The following TMCC1 variants were observed in gnomAD, a reference collection of about 807,000 sequenced individuals.
TMCC1 encodes transmembrane and coiled-coil domains protein 1.
A neutral mutation model predicts 52.4 loss-of-function variants in TMCC1; 15 were observed. The observed-to-expected ratio is 0.29, with a 90% confidence interval of 0.19 to 0.44. The LOEUF is 0.44. Among genes scored for constraint, TMCC1 ranks in the 20% least tolerant of loss-of-function variants. The pLI, the probability that TMCC1 is intolerant of heterozygous loss-of-function variation, is 1.00. For synonymous variants in TMCC1, 279 were observed against 301.9 expected (o/e 0.92, Z 0.79); for missense variants, 503 against 806.0 (o/e 0.62, Z 4.55).
At chr3:129,808,936 A>C (rs1042149100) in intron 4 of TMCC1, among the ~76,000 whole-genome samples, 5 of 151,174 alleles carry the variant, frequency 3.3e-5, no homozygotes, top group Non-Finnish European at 7.4e-5. Context: ...AAAAAAAAAA[A>C]AACAAAGAAA....
At chr3:129,847,387 G>A (rs1462098632) in intron 2 of TMCC1, 1 of 152,146 alleles carries the variant, frequency 6.6e-6, no homozygotes, top group Non-Finnish European at 1.5e-5. Context: ...TCCTAATAGT[G>A]CTTAAAAATC....
chr3:129,691,636 T>G (rs902705567), intron 4 of TMCC1, among the ~76,000 whole-genome samples: 4 of 152,020 alleles, frequency 2.6e-5, no homozygotes, highest in Non-Finnish European at 5.9e-5. Context: ...TAAATAAAAT[T>G]AGCCGGGCAT....
At chr3:129,832,604 G>A (rs1376584328) in intron 3 of TMCC1, among the ~76,000 whole-genome samples, 170 bp downstream of exon 3, 1 of 152,174 alleles carries the variant, frequency 6.6e-6, no homozygotes, top group Non-Finnish European at 1.5e-5. Context: ...CCATTTAGGA[G>A]GGTATTCCAC....
At chr3:129,883,631 A>T (rs1257268663) in intron 1 of TMCC1, among the ~76,000 whole-genome samples, 1 of 152,214 alleles carries the variant, frequency 6.6e-6, no homozygotes, top group Admixed American at 6.5e-5. Flanking sequence ...CACAAACAAA[A>T]AATGGTTAAA....
rs184860711 is a variant in TMCC1 at position 129,786,263 on chromosome 3, C to T, written c.576+41540G>A. On this transcript the variant is annotated intron_variant, in intron 4 of 6. Coordinates refer to ENST00000393238, the MANE Select transcript of TMCC1 (RefSeq NM_001017395.5). ...CCATGTCAGAACTCCTTAAAAGGAA[C>T]AGATACTAAACATGGCATGCCTTTC... Among the ~76,000 whole-genome samples, 920 of 152,130 alleles carry T rather than the reference C, an allele frequency of 6.0e-3. 10 individuals are homozygous for T. Among genetic ancestry groups the T allele is most frequent in the Non-Finnish European group, 8.8e-3 (596 of 68,018 alleles).
At chr3:129,774,552 T>C (rs1310803050) in intron 4 of TMCC1, among the ~76,000 whole-genome samples, 3 of 152,142 alleles carry the variant, frequency 2.0e-5, no homozygotes, top group African/African-American at 4.8e-5. Flanking sequence ...TGAGACAGTA[T>C]CATGGTTGGA....
At chr3:129,824,964 GCT>G (rs1318124581) in intron 4 of TMCC1, among the ~76,000 whole-genome samples, 3 of 152,020 alleles carry the variant, frequency 2.0e-5, no homozygotes, top group Non-Finnish European at 4.4e-5. Context: ...TATCAATTCA[GCT>G]CAATATTTAT....
At chr3:129,727,452 T>G (rs1267410830) in intron 4 of TMCC1, among the ~76,000 whole-genome samples, 1 of 152,180 alleles carries the variant, frequency 6.6e-6, no homozygotes, top group Non-Finnish European at 1.5e-5. Context: ...GGGCTTCATT[T>G]TTATAAATAT....
intron 2 of TMCC1, among the ~76,000 whole-genome samples, chr3:129,839,023 C>A (rs535594888): frequency 6.6e-6 from 1 of 152,004 alleles, no homozygotes; most frequent in African/African-American, 2.4e-5. Flanking sequence ...TTCCTCCAGA[C>A]AAGCAAAAAT....
At position 129,670,493 on chromosome 3, in the gene TMCC1, T is replaced by C. The variant is rs1243145550; in HGVS notation, c.1348A>G (p.Asn450Asp). 3.7e-6 allele frequency: 6 copies of C among 1,613,938 alleles called. No individual in the cohort carries two copies. The African/African-American group carries it at 8.0e-5, about 22-fold the overall frequency. Residue 450 changes from asparagine to aspartate, a missense_variant, in exon 5 of 7, where the codon AAC (asparagine) becomes GAC (aspartate). Physicochemically the swap from Asn to Asp is conservative, Grantham distance 23. Around this residue, in one of 7 missense-constraint regions of TMCC1, gnomAD observed 121 missense variants for 193.6 expected, o/e 0.62. Transcript: ENST00000393238. ...CCTGAGCTCTGCATGTCCAGGGTGT[T>C]TGTTTTGGAGCTGGATGCTCCTACA... is the stretch of plus-strand genomic sequence containing the variant. ...IAVGASSSKT[N>D]TLDMQSSGFD...
intron 2 of TMCC1, among the ~76,000 whole-genome samples, chr3:129,864,308 G>C (rs1029713973): frequency 6.6e-6 from 1 of 152,048 alleles, no homozygotes; most frequent in Non-Finnish European, 1.5e-5. Flanking sequence ...CTTAGCAAGT[G>C]GCAGAGTCAA....
At chr3:129,840,643 C>G (rs955157066) in intron 2 of TMCC1, among the ~76,000 whole-genome samples, 4 of 152,078 alleles carry the variant, frequency 2.6e-5, no homozygotes, top group African/African-American at 9.7e-5. Context: ...TGGTTTCCCC[C>G]TGTTCTTGTG....
At position 129,718,413 on chromosome 3, in the gene TMCC1, C is replaced by T. The variant is rs540508989; in HGVS notation, c.577-47149G>A. 2.0e-5 allele frequency among the ~76,000 whole-genome samples: 3 copies of T among 152,330 alleles called. No individual in the cohort carries two copies. The South Asian group carries it at 6.2e-4, about 32-fold the overall frequency. On this transcript the variant is annotated intron_variant, in intron 4 of 6. Coordinates refer to ENST00000393238, the MANE Select transcript of TMCC1 (RefSeq NM_001017395.5). Reference sequence around the variant, plus strand: ...AATCACCTGAGTGACCAGTTCCTCTCTCCAGTAAACTGCATATCTCAGTAA... The same window carrying T: ...AATCACCTGAGTGACCAGTTCCTCTTTCCAGTAAACTGCATATCTCAGTAA...
chr3:129,832,384 C>CA (rs1437017140), intron 3 of TMCC1, among the ~76,000 whole-genome samples: 1 of 152,028 alleles, frequency 6.6e-6, no homozygotes, highest in Non-Finnish European at 1.5e-5. Context: ...GTAGAAGGAG[C>CA]AAAAGGTGAG....
intron 1 of TMCC1, chr3:129,892,587 C>T (rs560320968): frequency 6.6e-6 from 1 of 152,008 alleles, no homozygotes; most frequent in Non-Finnish European, 1.5e-5. Context: ...CGTAGAGATG[C>T]TTATGGTACA....
intron 4 of TMCC1, among the ~76,000 whole-genome samples, chr3:129,706,083 G>A (rs1191921616): frequency 6.6e-6 from 1 of 151,226 alleles, no homozygotes; most frequent in Non-Finnish European, 1.5e-5. Context: ...TAGAGACGGG[G>A]TTTCACCATG....
chr3:129,787,199 C>A (rs2056101677), intron 4 of TMCC1, among the ~76,000 whole-genome samples: 1 of 152,020 alleles, frequency 6.6e-6, no homozygotes, highest in Non-Finnish European at 1.5e-5. Context: ...AATGACTTAC[C>A]AAAGTCACAT....
intron 4 of TMCC1, among the ~76,000 whole-genome samples, chr3:129,677,413 C>CG (rs2108906755): frequency 6.6e-6 from 1 of 152,124 alleles, no homozygotes; most frequent in South Asian, 2.1e-4. Flanking sequence ...GAAAAGGAGA[C>CG]GGTAACAAAA....
chr3:129,753,622 C>A (rs2052728836), intron 4 of TMCC1, among the ~76,000 whole-genome samples: 1 of 152,040 alleles, frequency 6.6e-6, no homozygotes, highest in South Asian at 2.1e-4. Flanking sequence ...TCAATAGATG[C>A]AGAGAAAGTT....
Sources: gnomAD v4.1 joint callset for allele counts (sites outside exome capture counted in the v4.1 genomes callset) on GRCh38, gnomAD v4.1.1 for gene constraint, gnomAD v4.1.1 regional missense constraint, MANE v1.5 for transcripts, NCBI Gene and HGNC (gene_info 2026-07-23, HGNC 2026-07-21) for gene names.